TCF7L2: variants seen among roughly 807,000 people sequenced by gnomAD.
The protein encoded by TCF7L2 is transcription factor 7-like 2.
Under a neutral mutation model 77.9 loss-of-function variants are expected in TCF7L2, and 23 were observed. The ratio of observed to expected loss-of-function variants is 0.30; its 90% CI spans 0.21 to 0.42. TCF7L2 has a LOEUF of 0.42. Among genes scored for constraint, TCF7L2 ranks in the 10% least tolerant of loss-of-function variants. The pLI is 1.00. For missense variants in TCF7L2, 654 were observed against 793.1 expected (o/e 0.82, Z 2.11); for synonymous variants, 413 against 340.2 (o/e 1.21, Z -2.36).
chr10:113,105,371 C>T (rs1260932080), intron 5 of TCF7L2, among the ~76,000 whole-genome samples: 1 of 152,118 alleles, frequency 6.6e-6, no homozygotes, highest in Non-Finnish European at 1.5e-5. Context: ...GAAGAAATCA[C>T]CTTGAGAGCT....
At chr10:113,107,613 A>AGT (rs921871272) in intron 5 of TCF7L2, among the ~76,000 whole-genome samples, 17 of 151,838 alleles carry the variant, frequency 1.1e-4, no homozygotes, top group Non-Finnish European at 2.4e-4. Flanking sequence ...CGTGGTGGCG[A>AGT]GTACCTGTAG....
chr10:113,100,543 T>C (rs1591679841), intron 5 of TCF7L2, among the ~76,000 whole-genome samples: 1 of 152,222 alleles, frequency 6.6e-6, no homozygotes, highest in East Asian at 1.9e-4. Context: ...ATGAAAGCAC[T>C]AAATACTTGC....
In TCF7L2 at chr10:113,057,448, G is replaced by GGC. The variant is rs560628278; in HGVS notation, c.552+17324_552+17325dup. Among the ~76,000 whole-genome samples, 299 of 152,298 alleles carry GGC rather than the reference G, an allele frequency of 2.0e-3. 1 individual carries two copies. Among genetic ancestry groups the GGC allele is most frequent in the African/African-American group, 6.7e-3 (278 of 41,562 alleles). ...GGCCTCCCGAAGTGGTGGGATTATA[G>GGC]GCGTGAGTCACCGAGCCTGGCCCCA... On this transcript the variant is annotated intron_variant, in intron 5 of 13. Transcript: ENST00000627217.
chr10:113,010,439 C>T lies in TCF7L2; in HGVS notation c.451-29586C>T, dbSNP rs533217012. ...AAATGATTTACAGTTTGGGAATCACCGTATGAGGATAGTAAGCTCTGAGTC... is the reference window on the plus strand; with the variant it reads ...AAATGATTTACAGTTTGGGAATCACTGTATGAGGATAGTAAGCTCTGAGTC... On this transcript the variant is annotated intron_variant, in intron 4 of 13. Coordinates refer to ENST00000627217, the MANE Select transcript of TCF7L2 (RefSeq NM_001146274.2). Among the ~76,000 whole-genome samples the T allele has an allele frequency of 9.2e-5, 14 of 152,188 alleles. No individual in the cohort carries two copies. In the South Asian group the frequency reaches 2.9e-3, roughly 32 times the overall value.
chr10:113,075,181 G>C (rs2058550386), intron 5 of TCF7L2, among the ~76,000 whole-genome samples: 1 of 152,160 alleles, frequency 6.6e-6, no homozygotes, highest in Admixed American at 6.5e-5. Context: ...AAATGGGCGG[G>C]GTAATGGTGG....
At chr10:113,128,456 G>C (rs1592083135) in intron 5 of TCF7L2, among the ~76,000 whole-genome samples, 1 of 152,152 alleles carries the variant, frequency 6.6e-6, no homozygotes, top group African/African-American at 2.4e-5. Flanking sequence ...TGGGCTTGGA[G>C]ATAAACAGAT....
chr10:113,064,323 G>T (rs1200467857), intron 5 of TCF7L2, among the ~76,000 whole-genome samples: 1 of 152,220 alleles, frequency 6.6e-6, no homozygotes, highest in East Asian at 1.9e-4. Flanking sequence ...TCTGCAGAAG[G>T]TTGGTGAACA....
At chr10:113,010,288 A>G (rs2046236627) in intron 4 of TCF7L2, among the ~76,000 whole-genome samples, 1 of 152,058 alleles carries the variant, frequency 6.6e-6, no homozygotes. Flanking sequence ...TCTTCCTATC[A>G]TGTATTAGGG....
chr10:113,075,455 G>C (rs540650145), intron 5 of TCF7L2, among the ~76,000 whole-genome samples: 1 of 98,260 alleles, frequency 1.0e-5, no homozygotes, highest in Non-Finnish European at 2.0e-5. Flanking sequence ...GCGAAACTCT[G>C]TGTCCAAAAA....
chr10:113,108,348 A>T (rs2062675935), intron 5 of TCF7L2, among the ~76,000 whole-genome samples: 1 of 152,038 alleles, frequency 6.6e-6, no homozygotes, highest in Admixed American at 6.6e-5. Context: ...GTGTTCACTG[A>T]ACCTGGAAAC....
At chr10:113,162,587 G>T (rs2073345633) in intron 13 of TCF7L2, among the ~76,000 whole-genome samples, 1 of 152,164 alleles carries the variant, frequency 6.6e-6, no homozygotes, top group South Asian at 2.1e-4. Context: ...TCTTGGAGGG[G>T]CTGTCAATAG....
At chr10:113,140,686 G>A (rs892687085) in intron 5 of TCF7L2, among the ~76,000 whole-genome samples, 1 of 152,202 alleles carries the variant, frequency 6.6e-6, no homozygotes. Context: ...GGAGGGGATA[G>A]GAGCTGTCGG....
At chr10:113,038,368 G>A (rs573119984) in intron 4 of TCF7L2, among the ~76,000 whole-genome samples, 1 of 152,296 alleles carries the variant, frequency 6.6e-6, no homozygotes, top group South Asian at 2.1e-4. Flanking sequence ...CTAGGTGAAA[G>A]CTCTGAATTT....
chr10:113,084,907 C>CT (rs1275764026), intron 5 of TCF7L2, among the ~76,000 whole-genome samples: 1 of 150,130 alleles, frequency 6.7e-6, no homozygotes, highest in African/African-American at 2.5e-5. Flanking sequence ...AGCCACCCCC[C>CT]CCCAAAAAAA....
intron 4 of TCF7L2, among the ~76,000 whole-genome samples, chr10:113,029,561 T>C (rs920725674): frequency 4.0e-5 from 6 of 151,522 alleles, no homozygotes; most frequent in Middle Eastern, 6.8e-3. Context: ...AATTTCGCTT[T>C]TGTGGCCCAG....
chr10:112,968,348 G>A (rs182698111), intron 4 of TCF7L2, among the ~76,000 whole-genome samples: 286 of 152,086 alleles, frequency 1.9e-3, no homozygotes, highest in Admixed American at 3.5e-3. Flanking sequence ...TCCCAAAGAC[G>A]GCAAGGATGA....
intron 3 of TCF7L2, among the ~76,000 whole-genome samples, chr10:112,952,202 C>A (rs1032261606): frequency 2.0e-5 from 3 of 152,176 alleles, no homozygotes; most frequent in African/African-American, 7.2e-5. Context: ...TGGAGAGGCT[C>A]CTTGGCTTTC....
At chr10:112,966,124 G>A (rs1142156) in intron 4 of TCF7L2, among the ~76,000 whole-genome samples, 2 of 148,868 alleles carry the variant, frequency 1.3e-5, no homozygotes, top group African/African-American at 2.5e-5. Flanking sequence ...GCGGTGAGCC[G>A]AGATCACGCC....
chr10:112,959,231 C>T (rs923902179), intron 3 of TCF7L2, among the ~76,000 whole-genome samples: 3 of 152,108 alleles, frequency 2.0e-5, no homozygotes, highest in Non-Finnish European at 4.4e-5. Flanking sequence ...AGCATTTCCC[C>T]GCAGACCTAC....
Sources: gnomAD v4.1 joint callset for allele counts (sites outside exome capture counted in the v4.1 genomes callset) on GRCh38, gnomAD v4.1.1 for gene constraint, MANE v1.5 for transcripts, NCBI Gene and HGNC (gene_info 2026-07-23, HGNC 2026-07-21) for gene names.